The following RNF220 variants were observed in gnomAD, a reference collection of about 807,000 sequenced individuals.
RNF220 encodes the protein E3 ubiquitin-protein ligase RNF220.
A neutral mutation model predicts 67.1 loss-of-function variants in RNF220; 7 were observed. That is an observed-to-expected ratio of 0.10 (90% CI 0.06 to 0.20). RNF220 has a LOEUF of 0.20. Ranked by LOEUF, RNF220 falls within the 10% of genes least tolerant of loss-of-function variation. The pLI, the probability that RNF220 is intolerant of heterozygous loss-of-function variation, is 1.00. For missense variants in RNF220, 565 were observed against 740.3 expected, an observed-to-expected ratio of 0.76 and a Z score of 2.75; for synonymous variants, 270 against 283.2, an observed-to-expected ratio of 0.95 and a Z score of 0.47.
At chr1:44,542,481 C>T (rs781274246) in intron 2 of RNF220, among the ~76,000 whole-genome samples, 89 of 152,296 alleles carry the variant, frequency 5.8e-4, no homozygotes, top group Non-Finnish European at 1.1e-3. Flanking sequence ...TAAGAAACTA[C>T]CACAGAGATG....
At position 44,645,303 on chromosome 1, in the gene RNF220, A is replaced by T. The variant is rs771062004; in HGVS notation, c.1366+27A>T. 6.2e-7 allele frequency: 1 copy of T among 1,613,810 alleles called. No homozygotes were observed. Among genetic ancestry groups the T allele is most frequent in the Non-Finnish European group, 8.5e-7 (1 of 1,179,816 alleles). On this transcript the variant is annotated intron_variant, in intron 11 of 14. Coordinates refer to ENST00000361799, the MANE Select transcript of RNF220 (RefSeq NM_018150.4). This position sits in a 1 kb window ranked among gnomAD's most constrained non-coding sequence, Gnocchi z 5.0. ...TAAGTCCTGCCCCAGGTTAGGAGTA[A>T]TGGGGGAGAGGGGGTATCCCTAGAT...
At chr1:44,505,092 C>T (rs1658295831) in intron 2 of RNF220, among the ~76,000 whole-genome samples, 2 of 152,334 alleles carry the variant, frequency 1.3e-5, no homozygotes, top group South Asian at 4.1e-4. Context: ...GTTACTTCCC[C>T]CATTTTATAA....
chr1:44,510,775 G>A (rs1470932214), intron 2 of RNF220, among the ~76,000 whole-genome samples: 1 of 152,122 alleles, frequency 6.6e-6, no homozygotes, highest in Non-Finnish European at 1.5e-5. Flanking sequence ...CTGCTATTTT[G>A]TTCACTACTC....
At chr1:44,465,742 A>AT (rs1363369501) in intron 2 of RNF220, among the ~76,000 whole-genome samples, 1 of 152,224 alleles carries the variant, frequency 6.6e-6, no homozygotes, top group Non-Finnish European at 1.5e-5. Context: ...TAAAAGTTAC[A>AT]TTTATGCTAT....
At chr1:44,494,204 T>TC (rs1553231100) in intron 2 of RNF220, among the ~76,000 whole-genome samples, 1 of 14,952 alleles carries the variant, frequency 6.7e-5, no homozygotes, top group Non-Finnish European at 1.8e-4. Context: ...AGAAACTCTG[T>TC]CAAAAAAAAA....
At chr1:44,599,193 T>C (rs559519386) in intron 2 of RNF220, among the ~76,000 whole-genome samples, 10 of 151,728 alleles carry the variant, frequency 6.6e-5, no homozygotes, top group Admixed American at 5.9e-4. Flanking sequence ...AGTAAAAAAA[T>C]TAAATAAATA....
chr1:44,542,410 C>T (rs1054894559), intron 2 of RNF220, among the ~76,000 whole-genome samples: 6 of 152,168 alleles, frequency 3.9e-5, no homozygotes, highest in African/African-American at 1.4e-4. Flanking sequence ...CCTGCCCATG[C>T]CCCTGTACTT....
At chr1:44,469,848 A>G (rs1383861589) in intron 2 of RNF220, among the ~76,000 whole-genome samples, 1 of 152,224 alleles carries the variant, frequency 6.6e-6, no homozygotes, top group Non-Finnish European at 1.5e-5. Flanking sequence ...AGGGATAGTG[A>G]CAAGCACTAG....
intron 2 of RNF220, among the ~76,000 whole-genome samples, chr1:44,568,886 A>T (rs1664229628): frequency 6.6e-6 from 1 of 151,804 alleles, no homozygotes; most frequent in South Asian, 2.1e-4. Context: ...ATATTCTAGG[A>T]TGCTACAAAA....
intron 2 of RNF220, among the ~76,000 whole-genome samples, chr1:44,474,183 T>C (rs1198343721): frequency 1.3e-5 from 2 of 152,008 alleles, no homozygotes; most frequent in Non-Finnish European, 2.9e-5. Flanking sequence ...AAGACCAGCC[T>C]GGCCAACATG....
chr1:44,637,500 G>A (rs944712446), intron 8 of RNF220, among the ~76,000 whole-genome samples: 7 of 152,212 alleles, frequency 4.6e-5, no homozygotes, highest in Admixed American at 1.3e-4. Context: ...CAGTTTCAAC[G>A]TGCTGCTCTG....
chr1:44,616,810 G>C (rs1643570305), intron 3 of RNF220, among the ~76,000 whole-genome samples: 1 of 152,160 alleles, frequency 6.6e-6, no homozygotes, highest in Non-Finnish European at 1.5e-5. Context: ...CTAAGGGCCT[G>C]GAGAATGCGG....
chr1:44,574,446 G>C (rs11810526), intron 2 of RNF220, among the ~76,000 whole-genome samples: 7,183 of 152,242 alleles, frequency 0.047, 522 homozygotes, highest in African/African-American at 0.16. Context: ...TTCTTACACT[G>C]TTCTGTGCTC....
chr1:44,538,518 G>A (rs1661416729), intron 2 of RNF220, among the ~76,000 whole-genome samples: 1 of 152,170 alleles, frequency 6.6e-6, no homozygotes, highest in South Asian at 2.1e-4. Flanking sequence ...CTCTCAAACA[G>A]CAGTAACAAC....
intron 2 of RNF220, among the ~76,000 whole-genome samples, chr1:44,527,918 T>C (rs1217509252): frequency 3.7e-5 from 1 of 26,878 alleles, no homozygotes; most frequent in African/African-American, 1.7e-4. Context: ...AGAGCAAGAC[T>C]CCATCCCAAA....
rs557773375 is a variant in RNF220 at position 44,645,502 on chromosome 1, C to A, written c.1445+14C>A. The A allele has an allele frequency of 2.9e-5, 46 of 1,612,570 alleles. No individual in the cohort carries two copies. The highest frequency in any genetic ancestry group is 3.8e-5 in the Non-Finnish European group (45 of 1,179,274). Reference sequence around the variant, plus strand: ...CGACATCGAGAAGTAAGTGTTTGGCCAGGAGAGAGCCCTGGGACCACAGTT... The same window carrying A: ...CGACATCGAGAAGTAAGTGTTTGGCAAGGAGAGAGCCCTGGGACCACAGTT... On this transcript the variant is annotated intron_variant, in intron 12 of 14. Transcript: ENST00000361799. This position sits in a 1 kb window ranked among gnomAD's most constrained non-coding sequence, Gnocchi z 5.0.
At chr1:44,427,378 C>T (rs1649899266) in intron 2 of RNF220, among the ~76,000 whole-genome samples, 1 of 151,630 alleles carries the variant, frequency 6.6e-6, no homozygotes. Flanking sequence ...TCTCCATACT[C>T]GAAAAATTGA....
intron 2 of RNF220, among the ~76,000 whole-genome samples, chr1:44,542,997 T>C (rs1324811593): frequency 6.6e-6 from 1 of 152,030 alleles, no homozygotes; most frequent in Non-Finnish European, 1.5e-5. Context: ...CTCGGCAGTG[T>C]TGCTAGGTGC....
At chr1:44,416,558 C>G (rs1648557217) in intron 2 of RNF220, among the ~76,000 whole-genome samples, 1 of 152,220 alleles carries the variant, frequency 6.6e-6, no homozygotes, top group Non-Finnish European at 1.5e-5. Flanking sequence ...CAGTCTTTGG[C>G]CAGCCTGCCA....
Sources: allele counts gnomAD v4.1 joint callset (sites outside exome capture counted in the v4.1 genomes callset), GRCh38; gene constraint gnomAD v4.1.1; non-coding constraint Gnocchi (gnomAD v3.1); transcripts MANE v1.5; gene names NCBI Gene and HGNC (gene_info 2026-07-23, HGNC 2026-07-21).